Variants in NEDD1 observed in about 807,000 individuals in gnomAD.
The protein encoded by NEDD1 is NEDD1 gamma-tubulin ring complex targeting factor.
Under a neutral mutation model 74.0 loss-of-function variants are expected in NEDD1, and 33 were observed. The observed-to-expected ratio is 0.45, with a 90% CI of 0.34 to 0.60. The LOEUF is 0.60. Ranked by LOEUF, NEDD1 falls within the 20% of genes least tolerant of loss-of-function variation. The pLI, the probability that NEDD1 is intolerant of heterozygous loss-of-function variation, is 0.01. For synonymous variants in NEDD1, 250 were observed against 264.4 expected (o/e 0.95, Z 0.53); for missense variants, 746 against 776.5 (o/e 0.96, Z 0.47).
intron 4 of NEDD1, among the ~76,000 whole-genome samples, chr12:96,916,230 T>TTTA (rs140210892): frequency 0.26 from 38,412 of 145,244 alleles, 5,357 homozygotes; most frequent in South Asian, 0.35. Flanking sequence ...CCGTTGAAGA[T>TTTA]TTATTATTAT....
intron 6 of NEDD1, among the ~76,000 whole-genome samples, chr12:96,933,797 G>A (rs999075848): frequency 6.6e-6 from 1 of 152,076 alleles, no homozygotes. Context: ...TAGCTTAAAT[G>A]TAAAGTACTT....
chr12:96,910,778 T>A (rs1234759328), intron 3 of NEDD1, among the ~76,000 whole-genome samples: 1 of 152,166 alleles, frequency 6.6e-6, no homozygotes, highest in Non-Finnish European at 1.5e-5. Context: ...TATGTGAAAA[T>A]GTTTTATGTA....
rs546519657 is a variant in NEDD1 at position 96,939,232 on chromosome 12, A to T, written c.1118-1177A>T. ...TTATTGGTACTTAGTTTTAGAAGGAAATCACCATTTAAGAAGAAAAGAATA... is the reference window on the plus strand; with the variant it reads ...TTATTGGTACTTAGTTTTAGAAGGATATCACCATTTAAGAAGAAAAGAATA... On this transcript the variant is annotated intron_variant, in intron 9 of 15. Coordinates refer to ENST00000266742, the MANE Select transcript of NEDD1 (RefSeq NM_152905.4). Among the ~76,000 whole-genome samples, 10 of 152,206 alleles carry T rather than the reference A, an allele frequency of 6.6e-5. No individual in the cohort carries two copies. The South Asian group carries it at 2.1e-3, about 32-fold the overall frequency.
intron 4 of NEDD1, among the ~76,000 whole-genome samples, chr12:96,915,457 G>A (rs1306472331): frequency 6.6e-6 from 1 of 152,218 alleles, no homozygotes; most frequent in Non-Finnish European, 1.5e-5. Context: ...GATTCTCAAA[G>A]TAAGAACAGT....
intron 4 of NEDD1, among the ~76,000 whole-genome samples, chr12:96,914,657 G>T (rs1205095747): frequency 4.6e-5 from 7 of 152,060 alleles, no homozygotes; most frequent in Admixed American, 4.6e-4. Context: ...TTCTACTTGA[G>T]AAAATAAATT....
Position 96,912,825 on chromosome 12 carries a change from ATTT to A in NEDD1, c.231+20_231+22del. ...TTAGAGCTTGCTGAAGGGGTAAGTG[ATTT>A]TTTTTTTTTTTAAACTTTTAAAAAT... On this transcript the variant is annotated intron_variant, in intron 4 of 15. Transcript: ENST00000266742. 5.0e-5 allele frequency: 59 copies of A among 1,184,264 alleles called. No individual in the cohort carries two copies. The highest frequency in any genetic ancestry group is 5.6e-5 in the Non-Finnish European group (48 of 849,784). 73.4% of individuals were successfully genotyped at this position (1,184,264 alleles called of 1,614,324 possible).
Position 96,940,454 on chromosome 12 carries a change from A to G in NEDD1, c.1163A>G (p.Asp388Gly). 6.2e-7 allele frequency: 1 copy of G among 1,603,634 alleles called. No individual in the cohort carries two copies. The highest frequency in any genetic ancestry group is 1.1e-5 in the South Asian group (1 of 90,480). ...INTDTLSKET[D>G]SGKNQDFSSF... is the part of the protein sequence containing the mutation. ...ACAGACACTTTATCTAAGGAAACAGACAGTGGAAAAAATCAGGATTTCTCC... is the reference window on the plus strand; with the variant it reads ...ACAGACACTTTATCTAAGGAAACAGGCAGTGGAAAAAATCAGGATTTCTCC... Residue 388 changes from aspartate to glycine, a missense_variant, in exon 10 of 16, where the codon GAC (aspartate) becomes GGC (glycine). Asp to Gly is a moderately conservative substitution (Grantham distance 94). Transcript: ENST00000266742.
At position 96,944,713 on chromosome 12, in the gene NEDD1, T is replaced by C; in HGVS notation, c.1572T>C (p.Asn524=). The C allele has an allele frequency of 2.5e-6, 4 of 1,601,264 alleles. No homozygotes were observed. Among genetic ancestry groups the C allele is most frequent in the Non-Finnish European group, 3.4e-6 (4 of 1,173,890 alleles). Residue 524 remains asparagine, a synonymous_variant, in exon 13 of 16, where the codon AAT becomes AAC. Transcript: ENST00000266742. ...NTSPSSNQTR[N]SEKFEKPENE... ...CTCCATCATCTAACCAAACAAGAAA[T>C]TCTGAGAAATTTGAAAAGCCAGAGA...
At chr12:96,919,667 G>C (rs1291881826) in intron 5 of NEDD1, among the ~76,000 whole-genome samples, 1 of 152,060 alleles carries the variant, frequency 6.6e-6, no homozygotes, top group African/African-American at 2.4e-5. Context: ...CATTCATTTA[G>C]CATATTCTCT....
At chr12:96,939,348 G>GA (rs1877437267) in intron 9 of NEDD1, among the ~76,000 whole-genome samples, 1 of 151,884 alleles carries the variant, frequency 6.6e-6, no homozygotes, top group African/African-American at 2.4e-5. Context: ...TAAGGACCTA[G>GA]AAAAAAGGAG....
chr12:96,934,037 CAATG>C (rs1306180184), intron 6 of NEDD1, among the ~76,000 whole-genome samples: 13 of 152,148 alleles, frequency 8.5e-5, no homozygotes, highest in Admixed American at 8.5e-4. Context: ...GGTTTTGAAA[CAATG>C]GATATAGTCC....
Position 96,935,105 on chromosome 12 carries a change from G to A in NEDD1, c.619G>A (p.Ala207Thr). ...CCATAACTTTGACAGTGTACACAAA[G>A]CTCCAGCGTCAGGCATCTGTTTTTC... ...PYHNFDSVHK[A>T]PASGICFSPV... Residue 207 changes from alanine (A) to threonine (T), a missense_variant, in exon 7 of 16, where the codon GCT (alanine) becomes ACT (threonine). Ala to Thr is a moderately conservative substitution (Grantham distance 58). Coordinates refer to ENST00000266742, the MANE Select transcript of NEDD1 (RefSeq NM_152905.4). The A allele has an allele frequency of 6.2e-6, 10 of 1,613,016 alleles. No homozygotes were observed. The highest frequency in any genetic ancestry group is 8.5e-6 in the Non-Finnish European group (10 of 1,178,996).
chr12:96,939,492 A>G (rs1456030298), intron 9 of NEDD1, among the ~76,000 whole-genome samples: 1 of 152,030 alleles, frequency 6.6e-6, no homozygotes, highest in Non-Finnish European at 1.5e-5. Context: ...AGTCTTGGGC[A>G]TTTTTGGATA....
At chr12:96,928,650 G>A (rs1046759174) in intron 6 of NEDD1, among the ~76,000 whole-genome samples, 5 of 134,210 alleles carry the variant, frequency 3.7e-5, no homozygotes, top group Admixed American at 1.5e-4. Context: ...TGGTCATTAT[G>A]TATTGCTATT....
intron 7 of NEDD1, among the ~76,000 whole-genome samples, chr12:96,936,409 G>A (rs1353176181): frequency 6.6e-6 from 1 of 152,188 alleles, no homozygotes; most frequent in Non-Finnish European, 1.5e-5. Context: ...GGAATGTTTA[G>A]CAGTTCTCTA....
chr12:96,907,518 T>G, intron 1 of NEDD1, 86 bp from the exon 2 acceptor site: 3 of 1,092,128 alleles, frequency 2.7e-6, no homozygotes, highest in Non-Finnish European at 4.1e-6. Context: ...CGGAGCCTTG[T>G]GGGGTGTGCT....
intron 6 of NEDD1, among the ~76,000 whole-genome samples, chr12:96,933,059 C>T (rs1876723729): frequency 6.8e-6 from 1 of 147,386 alleles, no homozygotes; most frequent in African/African-American, 2.5e-5. Context: ...AAGTAAGATA[C>T]AGAATTTAGG....
At chr12:96,920,450 CAT>C (rs1874948788) in intron 6 of NEDD1, among the ~76,000 whole-genome samples, 1 of 152,066 alleles carries the variant, frequency 6.6e-6, no homozygotes, top group Admixed American at 6.5e-5. Context: ...AAATGTGTCA[CAT>C]AGCTCAGATT....
At chr12:96,929,623 A>ATATATAT (rs773021014) in intron 6 of NEDD1, among the ~76,000 whole-genome samples, 12 of 126,190 alleles carry the variant, frequency 9.5e-5, no homozygotes, top group African/African-American at 3.3e-4. Context: ...ATATATATAT[A>ATATATAT]TTTTTTTTTT....
Sources: allele counts gnomAD v4.1 joint callset (sites outside exome capture counted in the v4.1 genomes callset), GRCh38; gene constraint gnomAD v4.1.1; transcripts MANE v1.5; gene names NCBI Gene and HGNC (gene_info 2026-07-23, HGNC 2026-07-21).